The following RBFOX1 variants were observed in gnomAD, a reference collection of about 807,000 sequenced individuals.
RBFOX1 encodes RNA binding protein fox-1 homolog 1.
RBFOX1 carries 8 observed loss-of-function variants against 57.7 expected under a neutral mutation model. The observed-to-expected ratio is 0.14, with a 90% CI of 0.08 to 0.25. The LOEUF is 0.25. Among genes scored for constraint, RBFOX1 ranks in the 10% least tolerant of loss-of-function variants. RBFOX1 has a pLI of 1.00. For missense variants in RBFOX1, 611 were observed against 548.5 expected (o/e 1.11, Z -1.14); for synonymous variants, 326 against 222.4 (o/e 1.47, Z -4.15).
In RBFOX1 at chr16:7,690,068, C is replaced by T. The variant is rs1040121056; in HGVS notation, c.995+13230C>T. Among the ~76,000 whole-genome samples the T allele has an allele frequency of 2.6e-5, 4 of 152,104 alleles. 1 individual carries two copies. Among genetic ancestry groups the T allele is most frequent in the South Asian group, 4.1e-4 (2 of 4,834 alleles). On this transcript the variant is annotated intron_variant, in intron 14 of 15. Transcript: ENST00000550418. ...TTGAATCCCTTCCTTGAATCCACTT[C>T]CTTGAATCTCTTGAATCCCTCTGCC... is the stretch of plus-strand genomic sequence containing the variant.
At chr16:7,183,853 C>G (rs2083209603) in intron 4 of RBFOX1, among the ~76,000 whole-genome samples, 1 of 152,190 alleles carries the variant, frequency 6.6e-6, no homozygotes, top group African/African-American at 2.4e-5. Flanking sequence ...CCATTCGTAT[C>G]AGGTCTCTGC....
intron 4 of RBFOX1, among the ~76,000 whole-genome samples, chr16:5,979,770 G>A (rs953169748): frequency 1.3e-5 from 2 of 152,200 alleles, no homozygotes; most frequent in African/African-American, 4.8e-5. Context: ...GCTGAGTTAG[G>A]AGAATCGCTT....
chr16:6,012,798 A>AG (rs748394164), intron 4 of RBFOX1, among the ~76,000 whole-genome samples: 6 of 152,126 alleles, frequency 3.9e-5, no homozygotes, highest in Non-Finnish European at 7.4e-5. Flanking sequence ...AGGTACCTGT[A>AG]GGGGGGTCCA....
chr16:6,793,807 G>A (rs993092448), intron 3 of RBFOX1, among the ~76,000 whole-genome samples: 10 of 152,114 alleles, frequency 6.6e-5, no homozygotes, highest in African/African-American at 2.4e-4. Context: ...TTGGTTGGTT[G>A]TTTCTTTGGT....
chr16:5,374,091 T>C (rs1329919217), intron 1 of RBFOX1, among the ~76,000 whole-genome samples: 3 of 152,190 alleles, frequency 2.0e-5, no homozygotes, highest in Non-Finnish European at 4.4e-5. Context: ...GCACCTGCCA[T>C]CATGTGCGGC....
At chr16:5,386,254 G>T (rs28672318) in intron 1 of RBFOX1, among the ~76,000 whole-genome samples, 75,690 of 151,616 alleles carry the variant, frequency 0.5, 19,284 homozygotes, top group Non-Finnish European at 0.55. Context: ...GCTTGAGAAG[G>T]CTGGGGGTGG....
intron 2 of RBFOX1, among the ~76,000 whole-genome samples, chr16:6,632,079 G>T (rs780722441): frequency 5.9e-5 from 9 of 152,158 alleles, no homozygotes; most frequent in Non-Finnish European, 1.2e-4. Context: ...TGTGCTGGAA[G>T]GAGGTGCTGG....
At chr16:5,873,303 C>T (rs1167441455) in intron 4 of RBFOX1, among the ~76,000 whole-genome samples, 1 of 152,168 alleles carries the variant, frequency 6.6e-6, no homozygotes, top group Non-Finnish European at 1.5e-5. Flanking sequence ...GAAGTTCACT[C>T]CTATGACTTA....
At chr16:5,652,871 C>T (rs1337562805) in intron 3 of RBFOX1, among the ~76,000 whole-genome samples, 2 of 152,232 alleles carry the variant, frequency 1.3e-5, no homozygotes, top group Admixed American at 6.5e-5. Context: ...ACTCAGGGGT[C>T]ACTGTAGGTA....
chr16:5,856,211 ATATATGTATATATATATG>A (rs2057041243), intron 3 of RBFOX1, among the ~76,000 whole-genome samples: 2 of 39,188 alleles, frequency 5.1e-5, no homozygotes, highest in African/African-American at 1.5e-4. Context: ...ATATATACAT[ATATATGTATATATATATG>A]TATATATATG....
intron 2 of RBFOX1, among the ~76,000 whole-genome samples, chr16:6,582,719 C>T (rs1008786196): frequency 1.3e-5 from 2 of 151,730 alleles, no homozygotes; most frequent in Non-Finnish European, 2.9e-5. Flanking sequence ...TCATCTTCTT[C>T]CTCTCCTGAC....
intron 4 of RBFOX1, among the ~76,000 whole-genome samples, chr16:5,894,266 C>T (rs1026816354): frequency 6.6e-6 from 1 of 152,182 alleles, no homozygotes; most frequent in Admixed American, 6.5e-5. Flanking sequence ...ATAATTAAAA[C>T]AATTCAAAAC....
At chr16:5,360,507 C>T (rs931018397) in intron 1 of RBFOX1, among the ~76,000 whole-genome samples, 1 of 152,168 alleles carries the variant, frequency 6.6e-6, no homozygotes, top group Non-Finnish European at 1.5e-5. Context: ...GTGCACCTTC[C>T]CGTTATACCA....
At chr16:6,891,479 GAGAGA>G (rs1176355207) in intron 3 of RBFOX1, among the ~76,000 whole-genome samples, 1 of 151,412 alleles carries the variant, frequency 6.6e-6, no homozygotes, top group African/African-American at 2.4e-5. Context: ...GAGAGAGAGA[GAGAGA>G]GGAGAGGAGA....
intron 3 of RBFOX1, among the ~76,000 whole-genome samples, chr16:6,661,730 G>C (rs940300887): frequency 2.2e-4 from 33 of 152,300 alleles, no homozygotes; most frequent in African/African-American, 7.9e-4. Flanking sequence ...GAAATCACAG[G>C]GCTGGGTTGC....
chr16:7,704,989 A>T (rs56409514), intron 14 of RBFOX1, among the ~76,000 whole-genome samples: 34,505 of 149,840 alleles, frequency 0.23, 4,156 homozygotes, highest in Admixed American at 0.3. Flanking sequence ...GGTTAGAGTG[A>T]GCCGAGATCA....
chr16:6,952,181 A>G (rs1360025564), intron 3 of RBFOX1, among the ~76,000 whole-genome samples: 1 of 152,172 alleles, frequency 6.6e-6, no homozygotes, highest in Admixed American at 6.5e-5. Flanking sequence ...TGGCACTCTG[A>G]GAGAAGGAAT....
intron 3 of RBFOX1, among the ~76,000 whole-genome samples, chr16:5,776,500 G>T (rs529729610): frequency 6.6e-6 from 1 of 152,312 alleles, no homozygotes; most frequent in South Asian, 2.1e-4. Context: ...GTCTAAAAGG[G>T]AAATGGTAAT....
At chr16:7,559,494 T>C (rs765442686) in intron 5 of RBFOX1, among the ~76,000 whole-genome samples, 1 of 152,124 alleles carries the variant, frequency 6.6e-6, no homozygotes, top group Non-Finnish European at 1.5e-5. Flanking sequence ...TATAAAAGTC[T>C]TTCTTTTTAG....
Sources: allele counts gnomAD v4.1 joint callset (sites outside exome capture counted in the v4.1 genomes callset), GRCh38; gene constraint gnomAD v4.1.1; transcripts MANE v1.5; gene names NCBI Gene and HGNC (gene_info 2026-07-23, HGNC 2026-07-21).